ETV1: variants seen among roughly 807,000 people sequenced by gnomAD.
ETV1 encodes the protein ETS translocation variant 1.
Under a neutral mutation model 62.3 loss-of-function variants are expected in ETV1, and 27 were observed. The ratio of observed to expected loss-of-function variants is 0.43; its 90% confidence interval spans 0.32 to 0.60. The LOEUF is 0.60. ETV1 is among the 20% of genes least tolerant of loss of function. The probability of loss-of-function intolerance (pLI) is 0.06; values close to 1 mark genes in which losing one functional copy is unlikely to be tolerated. For missense variants in ETV1, 605 were observed against 605.8 expected, an observed-to-expected ratio of 1.00 and a Z score of 0.01; for synonymous variants, 222 against 199.6, an observed-to-expected ratio of 1.11 and a Z score of -0.94.
intron 9 of ETV1, among the ~76,000 whole-genome samples, chr7:13,913,525 G>A (rs1404700294): frequency 6.6e-6 from 1 of 152,160 alleles, no homozygotes; most frequent in Non-Finnish European, 1.5e-5. Context: ...AGTAAGTTAT[G>A]TGCAACATTT....
intron 9 of ETV1, among the ~76,000 whole-genome samples, chr7:13,917,163 T>A (rs1289310266): frequency 1.3e-5 from 2 of 152,120 alleles, no homozygotes; most frequent in South Asian, 2.1e-4. Context: ...CCAAACAACA[T>A]TAGATTATAT....
rs931390297 is a variant in ETV1, at chr7:13,917,770, C to G, written c.803-6463G>C. ...ATGAGGTCAGGAGATCGAGACCATCCTGGCTAACACGGTGAAACCCCGTCT... is the reference window on the plus strand; with the variant it reads ...ATGAGGTCAGGAGATCGAGACCATCGTGGCTAACACGGTGAAACCCCGTCT... On this transcript the variant is annotated intron_variant, in intron 9 of 13. Coordinates refer to ENST00000430479, the MANE Select transcript of ETV1 (RefSeq NM_004956.5). Among the ~76,000 whole-genome samples, 5 of 152,082 alleles carry G rather than the reference C, an allele frequency of 3.3e-5. No homozygotes were observed. The East Asian group carries it at 7.9e-4, about 24-fold the overall frequency.
chr7:13,948,756 T>A (rs1403650187), intron 6 of ETV1, among the ~76,000 whole-genome samples: 1 of 152,086 alleles, frequency 6.6e-6, no homozygotes, highest in African/African-American at 2.4e-5. Flanking sequence ...CAGAATATAG[T>A]CTATAATAAA....
chr7:13,899,282 C>CA (rs1465853094), intron 13 of ETV1, among the ~76,000 whole-genome samples: 4 of 152,100 alleles, frequency 2.6e-5, no homozygotes, highest in African/African-American at 9.7e-5. Flanking sequence ...GAAATGACCC[C>CA]AGGGTTGAGA....
rs79949177 is a variant in ETV1 at position 13,914,867 on chromosome 7, G to A, written c.803-3560C>T. On this transcript the variant is annotated intron_variant, in intron 9 of 13. Coordinates refer to ENST00000430479, the MANE Select transcript of ETV1 (RefSeq NM_004956.5). Reference sequence around the variant, plus strand: ...ATTTCAAGGATCTACATCAGGCCACGGCAAAGAGAAAAGATTTGCCACAGT... The same window carrying A: ...ATTTCAAGGATCTACATCAGGCCACAGCAAAGAGAAAAGATTTGCCACAGT... Among the ~76,000 whole-genome samples the A allele has an allele frequency of 5.7e-3, 872 of 152,240 alleles. 59 individuals carry two copies. The East Asian group carries it at 0.14, about 24-fold the overall frequency.
intron 6 of ETV1, among the ~76,000 whole-genome samples, chr7:13,960,656 CAT>C (rs1321603950): frequency 2.0e-5 from 3 of 152,044 alleles, no homozygotes; most frequent in African/African-American, 4.8e-5. Flanking sequence ...CCAAAGCTCA[CAT>C]GTTGCCATGT....
chr7:13,915,248 A>G (rs1277412567), intron 9 of ETV1, among the ~76,000 whole-genome samples: 1 of 152,174 alleles, frequency 6.6e-6, no homozygotes, highest in Non-Finnish European at 1.5e-5. Context: ...TCTATTGTAT[A>G]TTGATGATTT....
chr7:13,939,142 C>T lies in ETV1; in HGVS notation c.340G>A (p.Gly114Arg), dbSNP rs768475054. 1 of 1,613,300 alleles carries T rather than the reference C, an allele frequency of 6.2e-7. No homozygotes were observed. The highest frequency in any genetic ancestry group is 8.5e-7 in the Non-Finnish European group (1 of 1,179,682). The change falls in exon 7 of 14, where the codon GGA (glycine) becomes AGA (arginine). Residue 114 changes from glycine to arginine, a missense_variant. By Grantham distance (125) the Gly-to-Arg change is moderately radical. Around this residue, in one of 3 missense-constraint regions of ETV1, gnomAD observed 426 missense variants for 377.8 expected, o/e 1.13. Coordinates refer to ENST00000430479, the MANE Select transcript of ETV1 (RefSeq NM_004956.5). The part of the protein sequence containing the change: ...SQEQPFKFSY[G>R]EKCLYNVSAY... ...CTGACATTGTACAGGCACTTTTCTC[C>T]ATAGCTGAATTTAAAGGGCTGTTCT...
rs569216213 is a variant in ETV1 at position 13,915,733 on chromosome 7, C to G, written c.803-4426G>C. 1.7e-4 allele frequency among the ~76,000 whole-genome samples: 26 copies of G among 151,976 alleles called. No homozygotes were observed. In the South Asian group the frequency reaches 5.2e-3, roughly 30 times the overall value. ...GAGAAAACTTATTTCATAAAGTTTC[C>G]TAGAATGAATGATAATGGAAATAAT... On this transcript the variant is annotated intron_variant, in intron 9 of 13. Coordinates refer to ENST00000430479, the MANE Select transcript of ETV1 (RefSeq NM_004956.5).
At chr7:13,986,886 G>T in intron 4 of ETV1, 1 of 506,016 alleles carries the variant, frequency 2.0e-6, no homozygotes, top group South Asian at 2.9e-5. Flanking sequence ...AACTCTTTAA[G>T]AAATTATTTT....
chr7:13,946,173 G>A (rs1035161392), intron 6 of ETV1, among the ~76,000 whole-genome samples: 4 of 152,108 alleles, frequency 2.6e-5, no homozygotes, highest in African/African-American at 9.7e-5. Flanking sequence ...ACTTCAGACA[G>A]GTCAGATAAT....
chr7:13,982,566 C>G (rs1782100057), intron 5 of ETV1, among the ~76,000 whole-genome samples: 1 of 151,934 alleles, frequency 6.6e-6, no homozygotes, highest in South Asian at 2.1e-4. Context: ...AAGTCTTTCT[C>G]TCATATTTTA....
chr7:13,970,299 C>G (rs1396598021), intron 6 of ETV1, among the ~76,000 whole-genome samples: 3 of 148,458 alleles, frequency 2.0e-5, no homozygotes, highest in African/African-American at 7.6e-5. Context: ...CACACACACA[C>G]ACACACACAC....
In ETV1 at chr7:13,916,504, GGCGCGT is replaced by G. The variant is rs764952090; in HGVS notation, c.803-5203_803-5198del. Among the ~76,000 whole-genome samples, 108 of 152,158 alleles carry G rather than the reference GGCGCGT, an allele frequency of 7.1e-4. 1 individual carries two copies. Among genetic ancestry groups the G allele is most frequent in the Non-Finnish European group, 1.1e-3 (72 of 68,014 alleles). ...AATACAAAATTTAGCTGGGCATGGTGGCGCGTGCCTGTCATCCCAGCTACTCGGGAG... is the reference window on the plus strand; with the variant it reads ...AATACAAAATTTAGCTGGGCATGGTGGCCTGTCATCCCAGCTACTCGGGAG... On this transcript the variant is annotated intron_variant, in intron 9 of 13. Coordinates refer to ENST00000430479, the MANE Select transcript of ETV1 (RefSeq NM_004956.5).
chr7:13,919,289 C>A (rs6963903), intron 9 of ETV1, among the ~76,000 whole-genome samples: 4 of 151,618 alleles, frequency 2.6e-5, no homozygotes, highest in Non-Finnish European at 5.9e-5. Flanking sequence ...CCAGGATTTA[C>A]TATAATATTT....
At chr7:13,941,706 A>G (rs954174269) in intron 6 of ETV1, among the ~76,000 whole-genome samples, 5 of 152,018 alleles carry the variant, frequency 3.3e-5, no homozygotes, top group Admixed American at 6.6e-5. Context: ...CCCCATCTCC[A>G]CTAAAAATAC....
chr7:13,949,291 T>C (rs150953862), intron 6 of ETV1, among the ~76,000 whole-genome samples: 15 of 152,288 alleles, frequency 9.8e-5, no homozygotes, highest in Admixed American at 5.2e-4. Flanking sequence ...TATATGTAGT[T>C]AGGAATACAC....
chr7:13,948,887 G>C (rs561907437), intron 6 of ETV1, among the ~76,000 whole-genome samples: 4 of 152,222 alleles, frequency 2.6e-5, no homozygotes, highest in African/African-American at 9.6e-5. Context: ...GGTTTACTCT[G>C]TCTCTCAAAA....
At chr7:13,907,846 A>G (rs1783132948) in intron 11 of ETV1, 1 of 470,562 alleles carries the variant, frequency 2.1e-6, no homozygotes. Context: ...AAAGGGCAAC[A>G]TTTGAAAAAC....
Sources: gnomAD v4.1 joint callset for allele counts (sites outside exome capture counted in the v4.1 genomes callset) on GRCh38, gnomAD v4.1.1 for gene constraint, gnomAD v4.1.1 regional missense constraint, MANE v1.5 for transcripts, NCBI Gene and HGNC (gene_info 2026-07-23, HGNC 2026-07-21) for gene names.